The following ARAP1 variants were observed in gnomAD, a reference collection of about 807,000 sequenced individuals.
ARAP1 encodes the protein ArfGAP with RhoGAP domain, ankyrin repeat and PH domain 1.
ARAP1 carries 76 observed loss-of-function variants against 172.2 expected under a neutral mutation model. The observed-to-expected ratio is 0.44, with a 90% CI of 0.37 to 0.53. ARAP1 has a LOEUF of 0.53. ARAP1 is among the 20% of genes least tolerant of loss of function. The pLI is 0.00. For synonymous variants in ARAP1, 804 were observed against 803.3 expected (o/e 1.00, Z -0.01); for missense variants, 1,686 against 1,977.5 (o/e 0.85, Z 2.80).
At chr11:72,704,618 G>C in intron 13 of ARAP1, 1 of 392,976 alleles carries the variant, frequency 2.5e-6, no homozygotes, top group South Asian at 3.9e-5. Context: ...CAGGGGCCTT[G>C]CTGCTGCCCC....
chr11:72,719,242 C>A (rs1857409561), intron 3 of ARAP1, among the ~76,000 whole-genome samples: 1 of 152,174 alleles, frequency 6.6e-6, no homozygotes, highest in Non-Finnish European at 1.5e-5. Flanking sequence ...CACTGCCCTG[C>A]CCAAGGTCAC....
chr11:72,713,690 A>AT (rs1857140733), intron 4 of ARAP1, among the ~76,000 whole-genome samples: 1 of 152,082 alleles, frequency 6.6e-6, no homozygotes, highest in Admixed American at 6.6e-5. Flanking sequence ...TACTAAAAAT[A>AT]CAAAAAATTA....
At chr11:72,743,084 C>CT (rs1029341361) in intron 1 of ARAP1, among the ~76,000 whole-genome samples, 4 of 152,258 alleles carry the variant, frequency 2.6e-5, no homozygotes, top group African/African-American at 9.6e-5. Context: ...TCTCCTTACT[C>CT]TGTTTCCTTT....
intron 33 of ARAP1, among the ~76,000 whole-genome samples, chr11:72,686,718 T>A (rs558626752): frequency 9.2e-5 from 14 of 152,334 alleles, no homozygotes; most frequent in African/African-American, 3.4e-4. Context: ...TGTCCCTGCC[T>A]GGGCTACCAC....
chr11:72,704,295 A>C lies in ARAP1; in HGVS notation c.1849T>G (p.Trp617Gly). 1 of 1,608,700 alleles carries C rather than the reference A, an allele frequency of 6.2e-7. No individual in the cohort carries two copies. The highest frequency in any genetic ancestry group is 8.5e-7 in the Non-Finnish European group (1 of 1,177,306). Residue 617 changes from tryptophan to glycine, a missense_variant, in exon 14 of 35, where the codon TGG becomes GGG. Physicochemically the swap from Trp to Gly is radical, Grantham distance 184. This residue lies in a region of ARAP1 where 688 missense variants were observed against 856.9 expected (regional missense o/e 0.80). Coordinates refer to ENST00000393609, the MANE Select transcript of ARAP1 (RefSeq NM_001040118.3). ...TCACTGGGGGGCACGTTGGCTGCCCAGAAGCGGTTCCCAGCGCCATTCCCC... is the reference window on the plus strand; with the variant it reads ...TCACTGGGGGGCACGTTGGCTGCCCCGAAGCGGTTCCCAGCGCCATTCCCC... ...QLGNGAGNRFWAANVPPSEAL... is the reference protein window; with the variant it reads ...QLGNGAGNRFGAANVPPSEAL...
intron 30 of ARAP1, chr11:72,689,349 G>C (rs1369151627): frequency 6.6e-6 from 1 of 152,282 alleles, no homozygotes; most frequent in African/African-American, 2.4e-5. Flanking sequence ...GCTTCCTCCT[G>C]CTCTAGGAGC....
In ARAP1 at chr11:72,726,384, C is replaced by G. The variant is rs1045457362; in HGVS notation, c.509+236G>C. 1.3e-5 allele frequency among the ~76,000 whole-genome samples: 2 copies of G among 152,188 alleles called. No homozygotes were observed. The highest frequency in any genetic ancestry group is 3.9e-4 in the East Asian group (2 of 5,192). ...CCACCCAGCCACCCAAGACAGAAAC[C>G]TGGAGGCCTCACTGGCACACGCCCA... On this transcript the variant is annotated intron_variant, in intron 3 of 34. Coordinates refer to ENST00000393609, the MANE Select transcript of ARAP1 (RefSeq NM_001040118.3). The surrounding 1 kb of genome is among the most constrained non-coding windows in gnomAD (Gnocchi z 6.5).
chr11:72,713,591 TA>T (rs1857132896), intron 4 of ARAP1, among the ~76,000 whole-genome samples: 1 of 152,020 alleles, frequency 6.6e-6, no homozygotes, highest in Non-Finnish European at 1.5e-5. Context: ...CTCATGCCTG[TA>T]ATCCCAGCAC....
rs78616900 is a variant in ARAP1, at chr11:72,735,881, C to T, written c.-127-3284G>A. 7.1e-3 allele frequency among the ~76,000 whole-genome samples: 1,083 copies of T among 152,312 alleles called. 17 individuals are homozygous for T. Among genetic ancestry groups the T allele is most frequent in the African/African-American group, 0.025 (1,020 of 41,560 alleles). ...CAAGGCACTGGAAGCATGAACCAGA[C>T]CTCAGACCTGGACTGGCCCTCCAGG... On this transcript the variant is annotated intron_variant, in intron 1 of 34. Coordinates refer to ENST00000393609, the MANE Select transcript of ARAP1 (RefSeq NM_001040118.3).
chr11:72,724,281 ACCC>A (rs1368508541), intron 3 of ARAP1, among the ~76,000 whole-genome samples: 1 of 151,772 alleles, frequency 6.6e-6, no homozygotes, highest in East Asian at 1.9e-4. Context: ...ACACGCATCC[ACCC>A]CCAAGCTCCA....
Position 72,697,010 on chromosome 11 carries a change from G to T in ARAP1, c.3139C>A (p.Gln1047Lys). ...DLPDGLFTRA[Q>K]RLTWLEASEI... ...GAGGCCTCCAGCCAGGTTAGGCGCT[G>T]GGCGCGAGTGAAGAGCCCATCAGGC... Residue 1047 changes from glutamine to lysine, a missense_variant, in exon 22 of 35, where the codon CAG (glutamine) becomes AAG (lysine). Around this residue, in one of 5 missense-constraint regions of ARAP1, gnomAD observed 274 missense variants for 262.7 expected, o/e 1.04. Transcript: ENST00000393609. 6.2e-7 allele frequency: 1 copy of T among 1,607,424 alleles called. No homozygotes were observed. The highest frequency in any genetic ancestry group is 8.5e-7 in the Non-Finnish European group (1 of 1,179,560).
intron 18 of ARAP1, among the ~76,000 whole-genome samples, chr11:72,698,585 G>A (rs183481843): frequency 2.6e-5 from 4 of 152,138 alleles, no homozygotes; most frequent in Non-Finnish European, 4.4e-5. Flanking sequence ...TCACAGCACA[G>A]GGGACCCCAC....
At chr11:72,696,496 A>G in intron 23 of ARAP1, 53 bp downstream of exon 23, 1 of 1,397,810 alleles carries the variant, frequency 7.2e-7, no homozygotes, top group Non-Finnish European at 9.6e-7. Flanking sequence ...GGGTGGGGGT[A>G]GAAGAACCTT....
At chr11:72,739,383 G>C (rs1858134577) in intron 1 of ARAP1, among the ~76,000 whole-genome samples, 1 of 152,158 alleles carries the variant, frequency 6.6e-6, no homozygotes, top group Non-Finnish European at 1.5e-5. Context: ...GTGGCTGATG[G>C]GGAGCAGCCC....
intron 3 of ARAP1, 118 bp from the exon 4 acceptor site, chr11:72,714,439 C>T: frequency 9.9e-7 from 1 of 1,007,416 alleles, no homozygotes; most frequent in South Asian, 1.6e-5. Flanking sequence ...CTCACACAGA[C>T]AGGAGCCCTC....
chr11:72,751,532 T>A (rs1858530636), intron 1 of ARAP1, among the ~76,000 whole-genome samples: 1 of 152,012 alleles, frequency 6.6e-6, no homozygotes, highest in African/African-American at 2.4e-5. Flanking sequence ...CATGAGTGCC[T>A]CAGTCTGGGA....
rs768202949 is a variant in ARAP1, at chr11:72,695,696, T to C, written c.3420+22A>G. 6.2e-7 allele frequency: 1 copy of C among 1,613,998 alleles called. No individual in the cohort carries two copies. Among genetic ancestry groups the C allele is most frequent in the Non-Finnish European group, 8.5e-7 (1 of 1,179,978 alleles). ...TGCAAGGATCACCCCTGCCCTCCAC[T>C]GCCCACTGGCCAGGGACGCACACTA... On this transcript the variant is annotated intron_variant, in intron 24 of 34. Coordinates refer to ENST00000393609, the MANE Select transcript of ARAP1 (RefSeq NM_001040118.3). This position sits in a 1 kb window ranked among gnomAD's most constrained non-coding sequence, Gnocchi z 4.4.
In ARAP1 at chr11:72,725,887, T is replaced by C. The variant is rs1228880961; in HGVS notation, c.509+733A>G. Among the ~76,000 whole-genome samples the C allele has an allele frequency of 6.6e-6, 1 of 151,660 alleles. No homozygotes were observed. The highest frequency in any genetic ancestry group is 2.1e-4 in the South Asian group (1 of 4,810). On this transcript the variant is annotated intron_variant, in intron 3 of 34. Transcript: ENST00000393609. The surrounding 1 kb of genome is among the most constrained non-coding windows in gnomAD (Gnocchi z 4.3). The stretch of plus-strand genomic sequence containing the variant: ...CACTTCGCCCAAGTGCTCCACCAAA[T>C]CTCCCTCACCCCAAACACATATCTA...
At chr11:72,696,188 A>T (rs1856182058) in intron 23 of ARAP1, among the ~76,000 whole-genome samples, 1 of 152,176 alleles carries the variant, frequency 6.6e-6, no homozygotes, top group African/African-American at 2.4e-5. Flanking sequence ...TTTCAGAGGC[A>T]TTAGATTCTC....
Sources: gnomAD v4.1 joint callset for allele counts (sites outside exome capture counted in the v4.1 genomes callset) on GRCh38, gnomAD v4.1.1 for gene constraint, gnomAD v4.1.1 regional missense constraint, Gnocchi (gnomAD v3.1) non-coding constraint, MANE v1.5 for transcripts, NCBI Gene and HGNC (gene_info 2026-07-23, HGNC 2026-07-21) for gene names.